The following KIFAP3 variants were observed in gnomAD, a reference collection of about 807,000 sequenced individuals.
KIFAP3 encodes kinesin-associated protein 3.
Under a neutral mutation model 106.5 loss-of-function variants are expected in KIFAP3, and 68 were observed. The ratio of observed to expected loss-of-function variants is 0.64; its 90% CI spans 0.53 to 0.78. The LOEUF (loss-of-function observed/expected upper bound fraction) is 0.78, where lower values mean the gene tolerates loss of function less well. Among genes scored for constraint, KIFAP3 ranks in the 30% least tolerant of loss-of-function variants. The pLI, the probability that KIFAP3 is intolerant of heterozygous loss-of-function variation, is 0.00. For synonymous variants in KIFAP3, 320 were observed against 311.5 expected, an observed-to-expected ratio of 1.03 and a Z score of -0.29; for missense variants, 780 against 941.8, an observed-to-expected ratio of 0.83 and a Z score of 2.25.
At chr1:170,034,229 A>G in intron 7 of KIFAP3, 143 bp downstream of exon 7, 1 of 697,102 alleles carries the variant, frequency 1.4e-6, no homozygotes, top group Non-Finnish European at 2.4e-6. Context: ...CTACTTCTTA[A>G]CCTTCAATAA....
chr1:169,974,806 AT>A (rs1666138778), intron 16 of KIFAP3, among the ~76,000 whole-genome samples: 1 of 151,930 alleles, frequency 6.6e-6, no homozygotes, highest in Admixed American at 6.6e-5. Flanking sequence ...AATAAAAATT[AT>A]TAGAAAAATC....
intron 19 of KIFAP3, among the ~76,000 whole-genome samples, chr1:169,939,218 C>G (rs1663973484): frequency 6.6e-6 from 1 of 152,016 alleles, no homozygotes; most frequent in Admixed American, 6.6e-5. Context: ...AGGGTACTAA[C>G]AGTGAAAATG....
rs565210200 is a variant in KIFAP3 at position 169,932,817 on chromosome 1, G to A, written c.2274-11036C>T. Among the ~76,000 whole-genome samples, 1,260 of 151,552 alleles carry A rather than the reference G, an allele frequency of 8.3e-3. 13 individuals carry two copies. The highest frequency in any genetic ancestry group is 0.013 in the Non-Finnish European group (857 of 67,806). ...TTTAGAAACTTTTCACTTTAAGGAA[G>A]CAGACAAATGTTTGTCTTAAAAAAA... On this transcript the variant is annotated intron_variant, in intron 19 of 19. Coordinates refer to ENST00000361580, the MANE Select transcript of KIFAP3 (RefSeq NM_014970.4).
At chr1:170,003,444 T>TCG (rs1458547755) in intron 10 of KIFAP3, among the ~76,000 whole-genome samples, 1 of 152,174 alleles carries the variant, frequency 6.6e-6, no homozygotes, top group Non-Finnish European at 1.5e-5. Flanking sequence ...CCACACCTAC[T>TCG]GGGGGGTGCC....
intron 10 of KIFAP3, among the ~76,000 whole-genome samples, chr1:169,997,484 G>A (rs778987775): frequency 6.6e-6 from 1 of 152,052 alleles, no homozygotes; most frequent in Non-Finnish European, 1.5e-5. Flanking sequence ...AGAGGCAGCC[G>A]AGATTTCTGA....
intron 18 of KIFAP3, among the ~76,000 whole-genome samples, chr1:169,958,468 G>C (rs761284452): frequency 1.3e-5 from 2 of 151,960 alleles, no homozygotes; most frequent in African/African-American, 4.8e-5. Context: ...AAATTGTGAC[G>C]GTATGGGAGA....
At position 170,074,084 on chromosome 1, in the gene KIFAP3, G is replaced by T. The variant is rs569457449; in HGVS notation, c.32+352C>A. On this transcript the variant is annotated intron_variant, in intron 1 of 19. Transcript: ENST00000361580. ...AGACTTTATTCCCAGGCTCTCATGG[G>T]ATTTATCTATTATGGGAAAATGGAG... Among the ~76,000 whole-genome samples the T allele has an allele frequency of 4.0e-5, 6 of 151,568 alleles. No individual in the cohort carries two copies. In the East Asian group the frequency reaches 1.2e-3, roughly 29 times the overall value.
chr1:169,945,079 C>T (rs965334457), intron 19 of KIFAP3, among the ~76,000 whole-genome samples: 4 of 152,112 alleles, frequency 2.6e-5, no homozygotes, highest in South Asian at 2.1e-4. Flanking sequence ...ACCTTCAGCA[C>T]CCCCTGGCCT....
At chr1:169,997,866 CAAA>C (rs11297528) in intron 10 of KIFAP3, among the ~76,000 whole-genome samples, 5 of 74,098 alleles carry the variant, frequency 6.7e-5, no homozygotes, top group Admixed American at 3.4e-4. Flanking sequence ...TGAGACGTCT[CAAA>C]AAAAAAAAAA....
intron 10 of KIFAP3, among the ~76,000 whole-genome samples, chr1:170,011,164 T>C (rs893393730): frequency 3.3e-5 from 5 of 151,938 alleles, no homozygotes; most frequent in Non-Finnish European, 5.9e-5. Context: ...TCCATGTAAA[T>C]CACTCCAGTT....
intron 8 of KIFAP3, among the ~76,000 whole-genome samples, chr1:170,030,041 GA>G (rs929951385): frequency 1.3e-5 from 2 of 151,748 alleles, no homozygotes. Context: ...AAACATATTA[GA>G]AAATAATTGT....
intron 19 of KIFAP3, among the ~76,000 whole-genome samples, chr1:169,939,206 A>C (rs866143015): frequency 1.3e-5 from 2 of 152,184 alleles, no homozygotes; most frequent in Non-Finnish European, 2.9e-5. Flanking sequence ...GTGGCATGGA[A>C]TAGGGTACTA....
chr1:170,022,938 T>C (rs1344552395), intron 9 of KIFAP3, among the ~76,000 whole-genome samples: 2 of 152,116 alleles, frequency 1.3e-5, no homozygotes, highest in Non-Finnish European at 2.9e-5. Context: ...TATATGCTGA[T>C]ACAAATCACT....
In KIFAP3 at chr1:169,992,245, G is replaced by T; in HGVS notation, c.1194C>A (p.Asn398Lys). The change falls in exon 11 of 20, where the codon AAC (asparagine) becomes AAA (lysine). Residue 398 changes from asparagine to lysine, a missense_variant. Coordinates refer to ENST00000361580, the MANE Select transcript of KIFAP3 (RefSeq NM_014970.4). Reference sequence around the variant, plus strand: ...GAACACACATTGCTATTTGTTTGTAGTTGTCATTGCCTAGGAATAAAACAT... The same window carrying T: ...GAACACACATTGCTATTTGTTTGTATTTGTCATTGCCTAGGAATAAAACAT... ...PKLTALLGNDNYKQIAMCVLY... is the reference protein window; with the variant it reads ...PKLTALLGNDKYKQIAMCVLY... 1 of 1,561,688 alleles carries T rather than the reference G, an allele frequency of 6.4e-7. No homozygotes were observed. The highest frequency in any genetic ancestry group is 8.7e-7 in the Non-Finnish European group (1 of 1,153,548).
At chr1:169,960,005 A>G (rs1160700615) in intron 18 of KIFAP3, among the ~76,000 whole-genome samples, 1 of 152,144 alleles carries the variant, frequency 6.6e-6, no homozygotes, top group Non-Finnish European at 1.5e-5. Context: ...TGATTTAAGT[A>G]TCTATACCAA....
At position 170,024,414 on chromosome 1, in the gene KIFAP3, T is replaced by G; in HGVS notation, c.1020+4A>C. ...CTATTTCAAGAAAAAGCTTTGTAAG[T>G]TACCATATCATTTTTATTCTCCATA... On this transcript the variant is annotated splice_donor_region_variant and intron_variant, in intron 9 of 19. Transcript: ENST00000361580. 1 of 1,538,546 alleles carries G rather than the reference T, an allele frequency of 6.5e-7. No individual in the cohort carries two copies. The highest frequency in any genetic ancestry group is 8.8e-7 in the Non-Finnish European group (1 of 1,138,140).
At chr1:170,061,905 T>C (rs1671177164) in intron 1 of KIFAP3, among the ~76,000 whole-genome samples, 2 of 151,996 alleles carry the variant, frequency 1.3e-5, no homozygotes, top group African/African-American at 4.8e-5. Flanking sequence ...GAGCAAACTG[T>C]CGCAAGGACA....
At chr1:170,014,379 C>A (rs953409432) in intron 10 of KIFAP3, among the ~76,000 whole-genome samples, 3 of 152,202 alleles carry the variant, frequency 2.0e-5, no homozygotes, top group Non-Finnish European at 2.9e-5. Flanking sequence ...GTTGAAATGG[C>A]AACTTATTGT....
chr1:169,995,154 T>G (rs12137754), intron 10 of KIFAP3, among the ~76,000 whole-genome samples: 25,267 of 152,082 alleles, frequency 0.17, 2,249 homozygotes, highest in Middle Eastern at 0.22. Flanking sequence ...ATTTTTATAC[T>G]GTTGAAGGCA....
Sources: gnomAD v4.1 joint callset for allele counts (sites outside exome capture counted in the v4.1 genomes callset) on GRCh38, gnomAD v4.1.1 for gene constraint, MANE v1.5 for transcripts, NCBI Gene and HGNC (gene_info 2026-07-23, HGNC 2026-07-21) for gene names.